Variants in CHRM3 observed in about 807,000 individuals in gnomAD.
CHRM3 encodes the protein cholinergic receptor muscarinic 3.
In CHRM3, 11 loss-of-function variants were observed where a neutral mutation model predicts 41.8. The ratio of observed to expected loss-of-function variants is 0.26; its 90% CI spans 0.17 to 0.44. CHRM3 has a LOEUF of 0.44. CHRM3 is among the 20% of genes least tolerant of loss of function. The probability of loss-of-function intolerance (pLI) is 1.00; values close to 1 mark genes in which losing one functional copy is unlikely to be tolerated. For missense variants in CHRM3, 571 were observed against 745.4 expected (o/e 0.77, Z 2.72); for synonymous variants, 297 against 301.4 (o/e 0.99, Z 0.15).
intron 1 of CHRM3, among the ~76,000 whole-genome samples, chr1:239,487,683 A>G (rs1214815580): frequency 1.3e-5 from 2 of 152,136 alleles, no homozygotes; most frequent in Admixed American, 1.3e-4. Flanking sequence ...AAAATGTTGA[A>G]GTGCTTACAA....
intron 1 of CHRM3, among the ~76,000 whole-genome samples, chr1:239,395,403 C>T (rs1659391467): frequency 6.6e-6 from 1 of 152,118 alleles, no homozygotes; most frequent in Non-Finnish European, 1.5e-5. Context: ...CTATGAATAG[C>T]ATGACCATCC....
At position 239,881,149 on chromosome 1, in the gene CHRM3, G is replaced by T. The variant is rs567259959; in HGVS notation, c.-19-26284G>T. On this transcript the variant is annotated intron_variant, in intron 6 of 6. Transcript: ENST00000676153. ...ATACAAAAAATTAGCCGGGCGTGGT[G>T]GTGGGCGCCTGTAGTCCCAGCTTCT... Among the ~76,000 whole-genome samples the T allele has an allele frequency of 2.0e-5, 3 of 151,830 alleles. No individual in the cohort carries two copies. The East Asian group carries it at 5.9e-4, about 30-fold the overall frequency.
At chr1:239,537,478 G>A (rs558464900) in intron 2 of CHRM3, among the ~76,000 whole-genome samples, 3 of 152,002 alleles carry the variant, frequency 2.0e-5, no homozygotes, top group East Asian at 1.9e-4. Context: ...TGAGGGATCC[G>A]CCCCCATGAA....
chr1:239,469,886 A>T (rs894834947), intron 1 of CHRM3, among the ~76,000 whole-genome samples: 6 of 152,080 alleles, frequency 3.9e-5, no homozygotes, highest in African/African-American at 1.4e-4. Flanking sequence ...GATTCCTTGG[A>T]CAGCCTCCTT....
chr1:239,591,336 T>C (rs1383027584), intron 3 of CHRM3, among the ~76,000 whole-genome samples: 2 of 152,134 alleles, frequency 1.3e-5, no homozygotes, highest in African/African-American at 4.8e-5. Context: ...CTGGTTTTCT[T>C]TACATCTCCT....
intron 3 of CHRM3, among the ~76,000 whole-genome samples, chr1:239,600,312 G>T (rs559957211): frequency 3.3e-5 from 5 of 152,022 alleles, no homozygotes; most frequent in African/African-American, 1.2e-4. Context: ...ATCCTGTATG[G>T]TGCCCTGGGA....
intron 5 of CHRM3, among the ~76,000 whole-genome samples, chr1:239,693,977 A>G (rs1659947030): frequency 6.6e-6 from 1 of 152,190 alleles, no homozygotes; most frequent in African/African-American, 2.4e-5. Context: ...TTTCAGAAAG[A>G]TGATTTCCAA....
chr1:239,562,561 A>AGAT (rs1434752719), intron 3 of CHRM3, among the ~76,000 whole-genome samples: 2 of 151,992 alleles, frequency 1.3e-5, no homozygotes, highest in Non-Finnish European at 2.9e-5. Context: ...TGTTCTATTT[A>AGAT]GATGATGATG....
intron 2 of CHRM3, among the ~76,000 whole-genome samples, chr1:239,497,946 G>A (rs923171580): frequency 2.6e-5 from 4 of 152,120 alleles, no homozygotes; most frequent in African/African-American, 7.2e-5. Flanking sequence ...TATGAAACCT[G>A]AGCAAATCAA....
At chr1:239,537,622 C>T (rs1010536063) in intron 2 of CHRM3, among the ~76,000 whole-genome samples, 3 of 152,030 alleles carry the variant, frequency 2.0e-5, no homozygotes, top group South Asian at 4.1e-4. Context: ...AATTGAATTC[C>T]GTTTGTTCCC....
intron 5 of CHRM3, among the ~76,000 whole-genome samples, chr1:239,742,967 G>C (rs559057586): frequency 6.6e-6 from 1 of 152,078 alleles, no homozygotes; most frequent in Non-Finnish European, 1.5e-5. Context: ...CAGCTACCAG[G>C]TTTATAATTT....
At chr1:239,755,669 C>G (rs919113580) in intron 5 of CHRM3, among the ~76,000 whole-genome samples, 16 of 152,164 alleles carry the variant, frequency 1.1e-4, no homozygotes, top group Admixed American at 9.2e-4. Context: ...TGGTTGTGTT[C>G]AGAGAAGCCA....
chr1:239,541,686 A>G (rs1177260096), intron 2 of CHRM3, among the ~76,000 whole-genome samples: 1 of 151,748 alleles, frequency 6.6e-6, no homozygotes, highest in Non-Finnish European at 1.5e-5. Flanking sequence ...TAATTTTTCT[A>G]TGTTTTTGTA....
intron 3 of CHRM3, among the ~76,000 whole-genome samples, chr1:239,566,002 G>T (rs1210031652): frequency 6.7e-6 from 1 of 148,632 alleles, no homozygotes; most frequent in African/African-American, 2.5e-5. Flanking sequence ...GCAGCCTTGA[G>T]CTTCTGGGCT....
At chr1:239,410,828 G>A (rs1028651247) in intron 1 of CHRM3, among the ~76,000 whole-genome samples, 3 of 152,110 alleles carry the variant, frequency 2.0e-5, no homozygotes, top group Non-Finnish European at 2.9e-5. Flanking sequence ...GTTTCCAAGC[G>A]GTTGAAAAGA....
At chr1:239,526,479 T>C (rs1386378854) in intron 2 of CHRM3, among the ~76,000 whole-genome samples, 1 of 152,158 alleles carries the variant, frequency 6.6e-6, no homozygotes, top group African/African-American at 2.4e-5. Flanking sequence ...GGATTTGACC[T>C]CTGTGAATAC....
rs1457248439 is a variant in CHRM3, at chr1:239,641,178, C to T, written c.-250+8892C>T. On this transcript the variant is annotated intron_variant, in intron 4 of 6. Transcript: ENST00000676153. ...TTTACATTTGCTGAGGAGTGCTTTA[C>T]TTCCAACTATGTGGTCAATTTTGGA... 4.6e-5 allele frequency among the ~76,000 whole-genome samples: 7 copies of T among 152,266 alleles called. No individual in the cohort carries two copies. In the Middle Eastern group the frequency reaches 0.014, roughly 296 times the overall value.
intron 6 of CHRM3, among the ~76,000 whole-genome samples, chr1:239,891,041 C>G (rs140533193): frequency 6.6e-6 from 1 of 152,100 alleles, no homozygotes; most frequent in East Asian, 1.9e-4. Flanking sequence ...CCTAGGTGTA[C>G]GCGGACAGTT....
At position 239,393,709 on chromosome 1, in the gene CHRM3, G is replaced by T. The variant is rs113636319; in HGVS notation, c.-521+6482G>T. Among the ~76,000 whole-genome samples the T allele has an allele frequency of 1.5e-3, 226 of 152,160 alleles. 1 individual carries two copies. The highest frequency in any genetic ancestry group is 5.3e-3 in the African/African-American group (220 of 41,504). On this transcript the variant is annotated intron_variant, in intron 1 of 6. Transcript: ENST00000676153. ...ATTTGAATGTTAGAAACTGAAAATC[G>T]GTCTGACTAAACAACTACAAATCAC...
Sources: gnomAD v4.1 joint callset for allele counts (sites outside exome capture counted in the v4.1 genomes callset) on GRCh38, gnomAD v4.1.1 for gene constraint, MANE v1.5 for transcripts, NCBI Gene and HGNC (gene_info 2026-07-23, HGNC 2026-07-21) for gene names.